Variants in QTGAL observed in about 807,000 individuals in gnomAD.
The protein encoded by QTGAL is queuosine-tRNA galactosyltransferase.
chr17:82,977,677 T>C, the QTGAL span, among the ~76,000 whole-genome samples: 1 of 151,774 alleles, frequency 6.6e-6, no homozygotes, highest in Non-Finnish European at 1.5e-5. Context: ...CTCAGACAAC[T>C]AGAAAATCAC....
the QTGAL span, among the ~76,000 whole-genome samples, chr17:82,975,100 T>A: frequency 1.5e-5 from 1 of 68,944 alleles, no homozygotes; most frequent in African/African-American, 9.8e-5. Context: ...CTATGGAGAG[T>A]CAGGGCCCCG....
chr17:82,946,876 C>T, the QTGAL span: 20 of 1,550,514 alleles, frequency 1.3e-5, no homozygotes, highest in Non-Finnish European at 1.7e-5. Flanking sequence ...TGAAAAGACC[C>T]ACCTGGGAGC....
chr17:82,952,910 C>T, the QTGAL span, among the ~76,000 whole-genome samples: 2 of 152,186 alleles, frequency 1.3e-5, no homozygotes, highest in Non-Finnish European at 2.9e-5. Context: ...CGCAGAACTA[C>T]ATGGAAACTG....
chr17:83,038,311 G>A, the QTGAL span, among the ~76,000 whole-genome samples: 3 of 152,130 alleles, frequency 2.0e-5, no homozygotes, highest in East Asian at 5.8e-4. Flanking sequence ...GCAGCAGGAC[G>A]GCTCATTTCA....
the QTGAL span, among the ~76,000 whole-genome samples, chr17:83,038,172 C>T: frequency 6.6e-6 from 1 of 152,192 alleles, no homozygotes; most frequent in Non-Finnish European, 1.5e-5. Context: ...GTCAATATAA[C>T]TCTCCCTATT....
the QTGAL span, among the ~76,000 whole-genome samples, chr17:82,955,258 G>A: frequency 7.5e-4 from 114 of 152,136 alleles, no homozygotes; most frequent in East Asian, 0.017. Flanking sequence ...GATCTACAAG[G>A]GACTTAAATT....
At chr17:83,051,705 C>T in the QTGAL span, 9 of 1,463,928 alleles carry the variant, frequency 6.1e-6, no homozygotes, top group Admixed American at 2.4e-5. Context: ...ACCCAGCCTG[C>T]ACGGCGGGGC....
chr17:82,952,042 C>T, the QTGAL span, among the ~76,000 whole-genome samples: 1 of 152,166 alleles, frequency 6.6e-6, no homozygotes, highest in Non-Finnish European at 1.5e-5. Flanking sequence ...CGTGGGGCTG[C>T]CACACGCCTG....
At chr17:83,045,224 C>A in the QTGAL span, among the ~76,000 whole-genome samples, 2 of 151,938 alleles carry the variant, frequency 1.3e-5, no homozygotes, top group Non-Finnish European at 2.9e-5. Flanking sequence ...GAGGTACTGG[C>A]GTAAGGACAG....
the QTGAL span, chr17:82,942,453 G>A: frequency 6.2e-7 from 1 of 1,613,988 alleles, no homozygotes; most frequent in Non-Finnish European, 8.5e-7. Flanking sequence ...CTTCAGCCTG[G>A]TGCCTGCTGA....
chr17:82,980,423 C>T, the QTGAL span, among the ~76,000 whole-genome samples: 3 of 152,184 alleles, frequency 2.0e-5, no homozygotes, highest in Non-Finnish European at 4.4e-5. Flanking sequence ...TACCTGGAGA[C>T]AGCCTCAGAC....
chr17:83,040,753 C>T, the QTGAL span, among the ~76,000 whole-genome samples: 1 of 152,004 alleles, frequency 6.6e-6, no homozygotes, highest in Non-Finnish European at 1.5e-5. Context: ...GAGAAATAAG[C>T]AGAAAAAAAG....
chr17:83,016,531 G>A, the QTGAL span, among the ~76,000 whole-genome samples: 1 of 126,484 alleles, frequency 7.9e-6, no homozygotes, highest in Non-Finnish European at 1.8e-5. Context: ...AGAAGAGGAG[G>A]GTGGAGAAGG....
chr17:82,958,978 G>T, the QTGAL span, among the ~76,000 whole-genome samples: 2 of 110,172 alleles, frequency 1.8e-5, no homozygotes, highest in African/African-American at 6.6e-5. Context: ...GTACACTGTG[G>T]GGGTGTATGG....
chr17:83,035,122 A>C, the QTGAL span: 1 of 1,593,202 alleles, frequency 6.3e-7, no homozygotes, highest in Non-Finnish European at 8.6e-7. Context: ...GAAGAGCAAA[A>C]CTCTTTTATA....
the QTGAL span, among the ~76,000 whole-genome samples, chr17:83,043,731 G>A: frequency 1.3e-5 from 2 of 152,092 alleles, no homozygotes; most frequent in Admixed American, 6.5e-5. Flanking sequence ...ATTCTTTGAA[G>A]AGGGTCAACA....
chr17:82,972,793 C>A, the QTGAL span, among the ~76,000 whole-genome samples: 2 of 147,200 alleles, frequency 1.4e-5, no homozygotes, highest in Admixed American at 6.7e-5. Flanking sequence ...CTAGAAGGAC[C>A]TGGTGCCGAC....
chr17:83,007,646 C>T, the QTGAL span, among the ~76,000 whole-genome samples: 60 of 152,100 alleles, frequency 3.9e-4, no homozygotes, highest in Non-Finnish European at 6.9e-4. Flanking sequence ...AGGCGCCTCT[C>T]GGACGGGGGC....
chr17:82,957,621 A>G, the QTGAL span: 1 of 1,301,044 alleles, frequency 7.7e-7, no homozygotes, highest in Non-Finnish European at 1.0e-6. Context: ...CCCAATGCCT[A>G]AGAGAGACTG....
Sources: gnomAD v4.1 joint callset for allele counts (sites outside exome capture counted in the v4.1 genomes callset) on GRCh38, gnomAD v4.1.1 for gene constraint, MANE v1.5 for transcripts, NCBI Gene and HGNC (gene_info 2026-07-23, HGNC 2026-07-21) for gene names.